The following DSCAML1 variants were observed in gnomAD, a reference collection of about 807,000 sequenced individuals.
DSCAML1 encodes the protein cell adhesion molecule DSCAML1.
DSCAML1 carries 38 observed loss-of-function variants against 200.5 expected under a neutral mutation model. That is an observed-to-expected ratio of 0.19 (90% CI 0.15 to 0.25). The LOEUF is 0.25. Ranked by LOEUF, DSCAML1 falls within the 10% of genes least tolerant of loss-of-function variation. DSCAML1 has a pLI of 1.00. For missense variants in DSCAML1, 2,223 were observed against 2,858.8 expected, an observed-to-expected ratio of 0.78 and a Z score of 5.07; for synonymous variants, 1,215 against 1,165.0, an observed-to-expected ratio of 1.04 and a Z score of -0.87.
At chr11:117,453,907 T>G (rs978613248) in intron 19 of DSCAML1, among the ~76,000 whole-genome samples, 1 of 152,004 alleles carries the variant, frequency 6.6e-6, no homozygotes, top group Non-Finnish European at 1.5e-5. Context: ...TGCACCTGGC[T>G]AATTTTTTGT....
intron 3 of DSCAML1, among the ~76,000 whole-genome samples, chr11:117,572,959 G>A (rs2050871563): frequency 1.3e-5 from 2 of 152,178 alleles, no homozygotes; most frequent in Non-Finnish European, 2.9e-5. Context: ...CAACCTTAAT[G>A]TTCATAATGG....
At chr11:117,428,894 T>C (rs1459484270) in intron 32 of DSCAML1, 91 bp from the exon 33 acceptor site, 11 of 1,299,584 alleles carry the variant, frequency 8.5e-6, no homozygotes, top group Non-Finnish European at 1.2e-5. Flanking sequence ...GCCCCCAGTC[T>C]TCTCTCTGAT....
intron 3 of DSCAML1, among the ~76,000 whole-genome samples, chr11:117,771,212 G>A (rs555115670): frequency 6.6e-6 from 1 of 152,260 alleles, no homozygotes; most frequent in East Asian, 1.9e-4. Flanking sequence ...ATGTCAGCCT[G>A]AACGAAATGT....
chr11:117,709,886 C>A, intron 3 of DSCAML1: 2 of 408,118 alleles, frequency 4.9e-6, no homozygotes, highest in South Asian at 1.8e-5. Context: ...CAGGTCCAGA[C>A]AGAAGGAGCA....
chr11:117,758,122 G>A (rs2054728609), intron 3 of DSCAML1, among the ~76,000 whole-genome samples: 1 of 151,790 alleles, frequency 6.6e-6, no homozygotes, highest in African/African-American at 2.4e-5. Context: ...CCAAGATGGT[G>A]AAACCCCGTC....
chr11:117,709,812 G>C (rs965767675), intron 3 of DSCAML1: 2 of 453,692 alleles, frequency 4.4e-6, no homozygotes, highest in African/African-American at 4.0e-5. Context: ...GGACCCTAGG[G>C]AGCTGGTCCC....
At chr11:117,743,869 C>G (rs898755381) in intron 3 of DSCAML1, among the ~76,000 whole-genome samples, 3 of 152,232 alleles carry the variant, frequency 2.0e-5, no homozygotes, top group African/African-American at 7.2e-5. Context: ...AGGTGGTGCT[C>G]TCCACCCCAC....
chr11:117,557,320 T>A (rs972541324), intron 3 of DSCAML1, among the ~76,000 whole-genome samples: 3 of 152,140 alleles, frequency 2.0e-5, no homozygotes, highest in African/African-American at 7.2e-5. Context: ...GGAAGAGACG[T>A]GGGGCTCTGA....
chr11:117,606,325 C>G (rs933958184), intron 3 of DSCAML1, among the ~76,000 whole-genome samples: 12 of 152,164 alleles, frequency 7.9e-5, no homozygotes, highest in Non-Finnish European at 1.6e-4. Context: ...ACCTTCACTG[C>G]CCCCCTGGAG....
intron 3 of DSCAML1, among the ~76,000 whole-genome samples, chr11:117,649,298 G>A (rs1044337655): frequency 6.6e-6 from 1 of 151,998 alleles, no homozygotes; most frequent in African/African-American, 2.4e-5. Context: ...GGCTGGTCTC[G>A]AACTCCTGAC....
rs560597926 is a variant in DSCAML1, at chr11:117,599,597, T to C, written c.512-67075A>G. On this transcript the variant is annotated intron_variant, in intron 3 of 32. Transcript: ENST00000651296. ...AGCCCCTCTCTATACCATGTGAACATATTCACTGAGCTCTTCCTTAGCCTT... is the reference window on the plus strand; with the variant it reads ...AGCCCCTCTCTATACCATGTGAACACATTCACTGAGCTCTTCCTTAGCCTT... Among the ~76,000 whole-genome samples, 126 of 152,244 alleles carry C rather than the reference T, an allele frequency of 8.3e-4. 1 individual carries two copies. The highest frequency in any genetic ancestry group is 2.8e-3 in the African/African-American group (118 of 41,544).
rs565001141 is a variant in DSCAML1 at position 117,606,651 on chromosome 11, C to T, written c.512-74129G>A. On this transcript the variant is annotated intron_variant, in intron 3 of 32. Coordinates refer to ENST00000651296, the MANE Select transcript of DSCAML1 (RefSeq NM_020693.4). ...TTCCATCCGTCCTTCCACCCCGGCA[C>T]CCAGACTCTGCTCTGGTTCCATGGA... Among the ~76,000 whole-genome samples, 53 of 152,310 alleles carry T rather than the reference C, an allele frequency of 3.5e-4. No individual in the cohort carries two copies. In the South Asian group the frequency reaches 0.011, roughly 31 times the overall value.
intron 19 of DSCAML1, among the ~76,000 whole-genome samples, 176 bp downstream of exon 19, chr11:117,458,578 C>T (rs557506589): frequency 6.6e-6 from 1 of 152,244 alleles, no homozygotes; most frequent in South Asian, 2.1e-4. Context: ...AGTTGCTTAT[C>T]TGCTCACGCA....
chr11:117,718,668 A>C (rs4938433), intron 3 of DSCAML1, among the ~76,000 whole-genome samples: 9,171 of 23,608 alleles, frequency 0.39, 2,654 homozygotes, highest in Non-Finnish European at 0.59. Context: ...AATACTCAAA[A>C]CCCCCCCCCC....
chr11:117,454,660 T>C (rs1417558748), intron 19 of DSCAML1, among the ~76,000 whole-genome samples: 1 of 152,262 alleles, frequency 6.6e-6, no homozygotes, highest in Non-Finnish European at 1.5e-5. Flanking sequence ...CATTATTTTT[T>C]ATTGTATGCC....
intron 3 of DSCAML1, among the ~76,000 whole-genome samples, chr11:117,721,726 T>C (rs894526114): frequency 3.4e-5 from 5 of 147,450 alleles, no homozygotes; most frequent in African/African-American, 9.8e-5. Flanking sequence ...ATATCATATA[T>C]CATATATAAA....
In DSCAML1 at chr11:117,518,559, T is replaced by C; in HGVS notation, c.1417A>G (p.Thr473Ala). The change falls in exon 7 of 33, where the codon ACA becomes GCA. Residue 473 changes from threonine to alanine, a missense_variant. Around this residue, in one of 7 missense-constraint regions of DSCAML1, gnomAD observed 579 missense variants for 721.5 expected, o/e 0.80. Transcript: ENST00000651296. This position sits in a 1 kb window ranked among gnomAD's most constrained non-coding sequence, Gnocchi z 6.3. The stretch of plus-strand genomic sequence containing the variant: ...CCCCCGTCGCGGATCTGGGGGCCTG[T>C]GACGTTCATGTGGCTGATGGTGGTG... The part of the protein sequence containing the change: ...DGTTISHMNV[T>A]GPQIRDGGVY... 6.2e-7 allele frequency: 1 copy of C among 1,614,194 alleles called. No individual in the cohort carries two copies. Among genetic ancestry groups the C allele is most frequent in the Non-Finnish European group, 8.5e-7 (1 of 1,180,038 alleles).
Position 117,437,123 on chromosome 11 carries a change from G to A in DSCAML1, c.4719C>T (p.Gly1573=). The stretch of plus-strand genomic sequence containing the variant: ...ATCCCTTCCACCCTTGCGACTCACT[G>A]CCATCGTAGTCCAGGGTGGCGAACT... ...TAQFATLDYD[G]STIPPIKSAQ... Residue 1573 remains glycine, a splice_region_variant and synonymous_variant, in exon 26 of 33, where the codon GGC becomes GGT. Transcript: ENST00000651296. This position sits in a 1 kb window ranked among gnomAD's most constrained non-coding sequence, Gnocchi z 5.3. 1 of 1,611,180 alleles carries A rather than the reference G, an allele frequency of 6.2e-7. No individual in the cohort carries two copies. Among genetic ancestry groups the A allele is most frequent in the Non-Finnish European group, 8.5e-7 (1 of 1,177,950 alleles).
chr11:117,570,214 T>A (rs962510964), intron 3 of DSCAML1, among the ~76,000 whole-genome samples: 1 of 151,446 alleles, frequency 6.6e-6, no homozygotes, highest in Admixed American at 6.6e-5. Context: ...GATGATGGGG[T>A]AGTTTTCGGG....
Sources: gnomAD v4.1 joint callset for allele counts (sites outside exome capture counted in the v4.1 genomes callset) on GRCh38, gnomAD v4.1.1 for gene constraint, gnomAD v4.1.1 regional missense constraint, Gnocchi (gnomAD v3.1) non-coding constraint, MANE v1.5 for transcripts, NCBI Gene and HGNC (gene_info 2026-07-23, HGNC 2026-07-21) for gene names.